The following OSBPL1A variants were observed in gnomAD, a reference collection of about 807,000 sequenced individuals.
OSBPL1A encodes oxysterol binding protein like 1A, also known as oxysterol-binding protein-related protein 1.
OSBPL1A carries 80 observed loss-of-function variants against 137.1 expected under a neutral mutation model. The observed-to-expected ratio is 0.58, with a 90% CI of 0.49 to 0.70. The LOEUF (loss-of-function observed/expected upper bound fraction) is 0.70, where lower values mean the gene tolerates loss of function less well. Among genes scored for constraint, OSBPL1A ranks in the 30% least tolerant of loss-of-function variants. The pLI, the probability that OSBPL1A is intolerant of heterozygous loss-of-function variation, is 0.00. For synonymous variants in OSBPL1A, 365 were observed against 389.7 expected (o/e 0.94, Z 0.75); for missense variants, 970 against 1,129.4 (o/e 0.86, Z 2.02).
chr18:24,357,668 G>C (rs1321653495), intron 4 of OSBPL1A: 1 of 152,106 alleles, frequency 6.6e-6, no homozygotes, highest in African/African-American at 2.4e-5. Context: ...CATGCTAACA[G>C]AACCAGGAGA....
intron 1 of OSBPL1A, among the ~76,000 whole-genome samples, chr18:24,393,092 CA>C (rs375497235): frequency 1.2e-4 from 18 of 147,408 alleles, no homozygotes; most frequent in Admixed American, 4.0e-4. Flanking sequence ...ATGGCAATGG[CA>C]AAAAAAAAAT....
intron 5 of OSBPL1A, among the ~76,000 whole-genome samples, chr18:24,338,239 A>T (rs1200790087): frequency 3.5e-5 from 5 of 143,376 alleles, no homozygotes; most frequent in South Asian, 2.2e-4. Flanking sequence ...TGCCTGGCTA[A>T]TTTTTTTTTT....
At chr18:24,383,490 G>A (rs1195075071) in intron 1 of OSBPL1A, among the ~76,000 whole-genome samples, 1 of 152,220 alleles carries the variant, frequency 6.6e-6, no homozygotes, top group African/African-American at 2.4e-5. Context: ...GGGTGCCTTG[G>A]CTCACGCCTG....
At chr18:24,179,868 T>C in intron 19 of OSBPL1A, 33 bp from the exon 20 acceptor site, 2 of 1,560,736 alleles carry the variant, frequency 1.3e-6, no homozygotes, top group Non-Finnish European at 1.8e-6. Flanking sequence ...AAGTCAAAAA[T>C]AGCCGAGCTC....
intron 14 of OSBPL1A, among the ~76,000 whole-genome samples, chr18:24,300,116 C>T (rs909376318): frequency 6.6e-6 from 1 of 152,166 alleles, no homozygotes; most frequent in South Asian, 2.1e-4. Context: ...AATTTCAATA[C>T]TACATTCTTG....
In OSBPL1A at chr18:24,303,714, G is replaced by A. The variant is rs774307233; in HGVS notation, c.1097C>T (p.Ala366Val). ...AADLKKSLEK[A>V]QSCQQRLDRE... ...ATCTAGTCGCTGTTGGCATGACTGT[G>A]CTTTCTGCAAAAAAAGAAAAGACAA... is the stretch of plus-strand genomic sequence containing the variant. The change falls in exon 14 of 28, where the codon GCA becomes GTA. Residue 366 changes from alanine (A) to valine (V), a missense_variant. Physicochemically the swap from Ala to Val is moderately conservative, Grantham distance 64. Transcript: ENST00000319481. The A allele has an allele frequency of 2.5e-6, 4 of 1,611,942 alleles. No individual in the cohort carries two copies. Among genetic ancestry groups the A allele is most frequent in the East Asian group, 2.2e-5 (1 of 44,742 alleles).
At chr18:24,305,419 T>C (rs1174518759) in intron 13 of OSBPL1A, among the ~76,000 whole-genome samples, 1 of 152,214 alleles carries the variant, frequency 6.6e-6, no homozygotes, top group Non-Finnish European at 1.5e-5. Context: ...TGTTTTAAGT[T>C]GTGTACAAAG....
rs761507913 is a variant in OSBPL1A, at chr18:24,206,642, A to G, written c.1602-10442T>C. On this transcript the variant is annotated intron_variant, in intron 17 of 27. Transcript: ENST00000319481. ...GATCCGAGGGTTACGTCCTCTCCCA[A>G]TCTATCTCTGGGAGACTTCGAGCAT... Among the ~76,000 whole-genome samples the G allele has an allele frequency of 2.0e-5, 3 of 152,114 alleles. No homozygotes were observed. In the South Asian group the frequency reaches 6.2e-4, roughly 32 times the overall value.
intron 7 of OSBPL1A, among the ~76,000 whole-genome samples, chr18:24,329,223 G>A (rs1257042943): frequency 1.3e-5 from 2 of 152,094 alleles, no homozygotes; most frequent in African/African-American, 4.8e-5. Flanking sequence ...TCCAGCCTGA[G>A]CAAAAGGGTG....
At chr18:24,208,024 C>T (rs985276570) in intron 17 of OSBPL1A, among the ~76,000 whole-genome samples, 2 of 152,190 alleles carry the variant, frequency 1.3e-5, no homozygotes, top group Non-Finnish European at 2.9e-5. Context: ...GGATTACAGG[C>T]ATGAACCACC....
intron 12 of OSBPL1A, among the ~76,000 whole-genome samples, chr18:24,313,983 T>C (rs1274770390): frequency 6.6e-6 from 1 of 152,062 alleles, no homozygotes; most frequent in African/African-American, 2.4e-5. Flanking sequence ...CACGTGCCTG[T>C]AGTCCCAGCT....
In OSBPL1A at chr18:24,260,863, G is replaced by C. The variant is rs147361041; in HGVS notation, c.1281+19979C>G. 3.5e-3 allele frequency among the ~76,000 whole-genome samples: 500 copies of C among 144,242 alleles called. 6 individuals carry two copies. Among genetic ancestry groups the C allele is most frequent in the African/African-American group, 0.013 (485 of 38,538 alleles). The allele number at this position is 144,242 out of a possible 152,430, so 94.6% of individuals were successfully genotyped here. The stretch of plus-strand genomic sequence containing the variant: ...AAAAAAAAAAAAAAAAGACAAACAT[G>C]CATTTATCATATGACCTATGACCTG... On this transcript the variant is annotated intron_variant, in intron 15 of 27. Coordinates refer to ENST00000319481, the MANE Select transcript of OSBPL1A (RefSeq NM_080597.4).
chr18:24,252,614 C>G (rs191370483), intron 15 of OSBPL1A, among the ~76,000 whole-genome samples: 1 of 152,138 alleles, frequency 6.6e-6, no homozygotes, highest in East Asian at 1.9e-4. Context: ...CATTAACAAG[C>G]AGTACAAAGT....
intron 14 of OSBPL1A, among the ~76,000 whole-genome samples, chr18:24,282,551 AAAAAAC>A (rs368554756): frequency 1.2e-3 from 185 of 152,356 alleles, no homozygotes; most frequent in African/African-American, 4.2e-3. Flanking sequence ...CATTAAAAAT[AAAAAAC>A]AAAAACAAAA....
chr18:24,233,323 T>C (rs4800565), intron 16 of OSBPL1A, among the ~76,000 whole-genome samples: 47,578 of 151,942 alleles, frequency 0.31, 7,826 homozygotes, highest in Middle Eastern at 0.39. Flanking sequence ...AACTTTACTG[T>C]AAACCCCTTG....
In OSBPL1A at chr18:24,317,113, C is replaced by T. The variant is rs763090555; in HGVS notation, c.870+36G>A. On this transcript the variant is annotated intron_variant, in intron 11 of 27. Transcript: ENST00000319481. Reference sequence around the variant, plus strand: ...TCAATCACTTGAAGAACTGATTTCACAGTTAGAGGAGCAAATGATCCATGT... The same window carrying T: ...TCAATCACTTGAAGAACTGATTTCATAGTTAGAGGAGCAAATGATCCATGT... 5.6e-6 allele frequency: 9 copies of T among 1,607,424 alleles called. No individual in the cohort carries two copies. In the South Asian group the frequency reaches 8.8e-5, roughly 16 times the overall value.
chr18:24,363,561 C>T (rs968065589), intron 4 of OSBPL1A, among the ~76,000 whole-genome samples: 4 of 151,520 alleles, frequency 2.6e-5, no homozygotes, highest in Admixed American at 2.6e-4. Flanking sequence ...ATTCTCCTGC[C>T]TCAGCCTCCC....
chr18:24,216,164 T>C (rs1025573192), intron 17 of OSBPL1A, among the ~76,000 whole-genome samples: 3 of 152,198 alleles, frequency 2.0e-5, no homozygotes, highest in African/African-American at 7.2e-5. Flanking sequence ...ACAATGTAAC[T>C]TTACAACCAG....
chr18:24,247,430 A>G (rs1288269487), intron 15 of OSBPL1A, among the ~76,000 whole-genome samples: 3 of 152,150 alleles, frequency 2.0e-5, no homozygotes, highest in African/African-American at 7.2e-5. Context: ...AGAGAGAGTG[A>G]GTACAACCTG....
Sources: allele counts gnomAD v4.1 joint callset (sites outside exome capture counted in the v4.1 genomes callset), GRCh38; gene constraint gnomAD v4.1.1; transcripts MANE v1.5; gene names NCBI Gene and HGNC (gene_info 2026-07-23, HGNC 2026-07-21).